The following GAB1 variants were observed in gnomAD, a reference collection of about 807,000 sequenced individuals.
The protein encoded by GAB1 is GRB2-associated-binding protein 1.
A neutral mutation model predicts 66.5 loss-of-function variants in GAB1; 19 were observed. That is an observed-to-expected ratio of 0.29 (90% confidence interval 0.20 to 0.42). The LOEUF is 0.42. Among genes scored for constraint, GAB1 ranks in the 10% least tolerant of loss-of-function variants. GAB1 has a pLI of 1.00. For synonymous variants in GAB1, 294 were observed against 301.4 expected, an observed-to-expected ratio of 0.98 and a Z score of 0.25; for missense variants, 732 against 858.5, an observed-to-expected ratio of 0.85 and a Z score of 1.84.
chr4:143,429,077 T>C (rs1281285240), intron 2 of GAB1, among the ~76,000 whole-genome samples: 1 of 152,186 alleles, frequency 6.6e-6, no homozygotes, highest in Non-Finnish European at 1.5e-5. Context: ...GGCCCATTAT[T>C]TGCATAAAGT....
chr4:143,446,597 G>C lies in GAB1; in HGVS notation c.1585+6215G>C, dbSNP rs905814532. ...TCTGGCTGCATAAATGTCTTCTTTT[G>C]AGAAGTGTCTGTTCATATCCTTTGC... On this transcript the variant is annotated intron_variant, in intron 6 of 9. Transcript: ENST00000262994. Among the ~76,000 whole-genome samples the C allele has an allele frequency of 2.0e-5, 3 of 152,144 alleles. 1 individual carries two copies. Among genetic ancestry groups the C allele is most frequent in the Non-Finnish European group, 4.4e-5 (3 of 68,042 alleles).
At chr4:143,425,663 T>A in intron 2 of GAB1, 3 of 760,622 alleles carry the variant, frequency 3.9e-6, no homozygotes, top group Non-Finnish European at 7.2e-6. Context: ...ACAGAGATCC[T>A]GAAGTGATTA....
chr4:143,349,177 A>G lies in GAB1; in HGVS notation c.72+11917A>G, dbSNP rs1729091919. The G allele has an allele frequency of 1.3e-5, 6 of 473,540 alleles. No homozygotes were observed. The East Asian group carries it at 2.2e-4, about 17-fold the overall frequency. The allele number at this position is 473,540 out of a possible 1,614,324, so 29.3% of individuals were successfully genotyped here. A position where few individuals can be genotyped will look rare whatever the true frequency, so the allele number is the denominator to read the frequency against. On this transcript the variant is annotated intron_variant, in intron 1 of 9. Transcript: ENST00000262994. Reference sequence around the variant, plus strand: ...TCATAGGTCCCCCCCTTCCTAGATTAAAATATTCTAACCTGGAGTAGTTAT... The same window carrying G: ...TCATAGGTCCCCCCCTTCCTAGATTGAAATATTCTAACCTGGAGTAGTTAT...
intron 6 of GAB1, among the ~76,000 whole-genome samples, chr4:143,446,454 T>G (rs1734541117): frequency 6.6e-6 from 1 of 150,732 alleles, no homozygotes; most frequent in East Asian, 2.0e-4. Context: ...CTCCAGCACC[T>G]GTTGTTTCCT....
intron 1 of GAB1, among the ~76,000 whole-genome samples, chr4:143,356,119 G>C (rs1206315293): frequency 1.3e-5 from 2 of 152,120 alleles, no homozygotes; most frequent in Non-Finnish European, 2.9e-5. Flanking sequence ...AAAATGTTAA[G>C]ATAGTCTGAT....
rs781571235 is a variant in GAB1 at position 143,438,327 on chromosome 4, G to A, written c.922G>A (p.Asp308Asn). The A allele has an allele frequency of 7.4e-6, 12 of 1,614,022 alleles. No homozygotes were observed. The highest frequency in any genetic ancestry group is 1.0e-5 in the Non-Finnish European group (12 of 1,179,962). Residue 308 changes from aspartate to asparagine, a missense_variant, in exon 4 of 10, where the codon GAC becomes AAC. Transcript: ENST00000262994. ...TQMRHVSISYDIPPTPGNTYQ... is the reference protein window; with the variant it reads ...TQMRHVSISYNIPPTPGNTYQ... ...AATGAGGCATGTATCTATTAGTTAT[G>A]ACATTCCTCCAACACCTGGTAATAC...
intron 1 of GAB1, among the ~76,000 whole-genome samples, chr4:143,348,699 G>T (rs185388111): frequency 1.3e-5 from 2 of 152,168 alleles, no homozygotes; most frequent in Admixed American, 6.5e-5. Context: ...GTTCTGCCGC[G>T]CTCTTTTGCT....
chr4:143,457,981 AAT>A (rs1735284378), intron 6 of GAB1, among the ~76,000 whole-genome samples: 1 of 152,144 alleles, frequency 6.6e-6, no homozygotes, highest in African/African-American at 2.4e-5. Context: ...AATATTTGAT[AAT>A]ATGTGATATT....
intron 1 of GAB1, among the ~76,000 whole-genome samples, chr4:143,412,805 A>C (rs911142915): frequency 3.3e-5 from 5 of 152,140 alleles, no homozygotes; most frequent in Non-Finnish European, 5.9e-5. Flanking sequence ...GCCTCCTATA[A>C]ACCCTATTAT....
intron 1 of GAB1, among the ~76,000 whole-genome samples, chr4:143,414,997 G>A (rs145867906): frequency 5.3e-5 from 8 of 152,106 alleles, no homozygotes; most frequent in South Asian, 2.1e-4. Flanking sequence ...CCTCCGCAGG[G>A]CCTGACAAAT....
At chr4:143,424,347 G>A (rs1448192598) in intron 2 of GAB1, among the ~76,000 whole-genome samples, 1 of 152,064 alleles carries the variant, frequency 6.6e-6, no homozygotes, top group Non-Finnish European at 1.5e-5. Flanking sequence ...TTTTCTGAGT[G>A]GGCTGCTCTT....
chr4:143,447,436 GTTC>G (rs1003072101), intron 6 of GAB1, among the ~76,000 whole-genome samples: 8 of 152,152 alleles, frequency 5.3e-5, no homozygotes, highest in Admixed American at 5.2e-4. Context: ...AGCATGGAAT[GTTC>G]TTCCATTTGT....
intron 9 of GAB1, 38 bp from the exon 10 acceptor site, chr4:143,468,993 T>A (rs1348943947): frequency 6.2e-7 from 1 of 1,608,286 alleles, no homozygotes; most frequent in African/African-American, 1.3e-5. Flanking sequence ...GAACACTCCT[T>A]TATATGTTGG....
At chr4:143,391,688 G>A (rs1371446395) in intron 1 of GAB1, 1 of 152,162 alleles carries the variant, frequency 6.6e-6, no homozygotes, top group Non-Finnish European at 1.5e-5. Context: ...CCCACGTAAA[G>A]AGGAAAACTG....
intron 1 of GAB1, 107 bp from the exon 2 acceptor site, chr4:143,415,370 G>A: frequency 1.1e-6 from 1 of 880,870 alleles, no homozygotes; most frequent in African/African-American, 1.7e-5. Flanking sequence ...CACATATTGT[G>A]ACTTTCTCTA....
intron 2 of GAB1, among the ~76,000 whole-genome samples, chr4:143,418,792 A>G (rs1053261877): frequency 6.6e-6 from 1 of 152,176 alleles, no homozygotes; most frequent in Non-Finnish European, 1.5e-5. Flanking sequence ...TTTGAAGCCT[A>G]TTCAAGGGTG....
rs918780994 is a variant in GAB1, at chr4:143,355,524, G to T, written c.72+18264G>T. On this transcript the variant is annotated intron_variant, in intron 1 of 9. Coordinates refer to ENST00000262994, the MANE Select transcript of GAB1 (RefSeq NM_002039.4). ...GTAGGTTAAGTATTCAGATTGTTGT[G>T]CCAGCCCAATCTCTCCTGCTTCACC... 2.6e-5 allele frequency among the ~76,000 whole-genome samples: 4 copies of T among 152,222 alleles called. No homozygotes were observed. The South Asian group carries it at 6.2e-4, about 24-fold the overall frequency.
chr4:143,347,174 C>G (rs541968020), intron 1 of GAB1, among the ~76,000 whole-genome samples: 1 of 152,302 alleles, frequency 6.6e-6, no homozygotes, highest in South Asian at 2.1e-4. Flanking sequence ...CATTTGTTCT[C>G]TTGTCTCAAA....
At chr4:143,462,314 A>G (rs1013185382) in intron 8 of GAB1, among the ~76,000 whole-genome samples, 1 of 152,132 alleles carries the variant, frequency 6.6e-6, no homozygotes, top group Non-Finnish European at 1.5e-5. Context: ...ATTCTCGGTC[A>G]GAGTAGATAT....
Sources: gnomAD v4.1 joint callset for allele counts (sites outside exome capture counted in the v4.1 genomes callset) on GRCh38, gnomAD v4.1.1 for gene constraint, MANE v1.5 for transcripts, NCBI Gene and HGNC (gene_info 2026-07-23, HGNC 2026-07-21) for gene names.